TMEM255A: variants seen among roughly 807,000 people sequenced by gnomAD.
TMEM255A encodes family with sequence similarity 70, member A.
TMEM255A carries 14 observed loss-of-function variants against 23.5 expected under a neutral mutation model. That is an observed-to-expected ratio of 0.60 (90% CI 0.39 to 0.93). The LOEUF (loss-of-function observed/expected upper bound fraction) is 0.93. Ranked by LOEUF, TMEM255A falls within the 40% of genes least tolerant of loss-of-function variation. The pLI is 0.00. For missense variants in TMEM255A, 233 were observed against 261.7 expected (o/e 0.89, Z 0.76); for synonymous variants, 104 against 100.3 (o/e 1.04, Z -0.22).
chrX:120,265,616 C>T (rs782627177), intron 8 of TMEM255A, among the ~76,000 whole-genome samples: 1 of 112,073 alleles, frequency 8.9e-6, no homozygotes, highest in African/African-American at 3.2e-5. Context: ...AATCCCCCAA[C>T]CCAATCTCTG....
chrX:120,277,194 C>T, intron 6 of TMEM255A, 147 bp from the exon 7 acceptor site: 1 of 440,117 alleles, frequency 2.3e-6, no homozygotes, highest in Admixed American at 4.1e-5. Flanking sequence ...GACATCATAG[C>T]CATGTACTAT....
At chrX:120,308,786 G>C (rs1471020994) in intron 1 of TMEM255A, among the ~76,000 whole-genome samples, 2 of 112,165 alleles carry the variant, frequency 1.8e-5, no homozygotes, top group Non-Finnish European at 3.8e-5. Context: ...GGGATGGGGG[G>C]ACACTGGAGT....
chrX:120,269,584 T>C (rs1217322285), intron 7 of TMEM255A, among the ~76,000 whole-genome samples: 2 of 111,847 alleles, frequency 1.8e-5, no homozygotes, highest in Non-Finnish European at 3.8e-5. Flanking sequence ...CACAGTTCTG[T>C]TGCTCTCTTC....
At chrX:120,311,177 G>A (rs967043580) in intron 1 of TMEM255A, 75 bp downstream of exon 1, 1 of 933,969 alleles carries the variant, frequency 1.1e-6, no homozygotes, top group Non-Finnish European at 1.5e-6. Flanking sequence ...TGGGGCAGCT[G>A]GGGCGTTCAC....
At chrX:120,276,634 C>T (rs1440582537) in intron 7 of TMEM255A, among the ~76,000 whole-genome samples, 1 of 111,487 alleles carries the variant, frequency 9.0e-6, no homozygotes, top group African/African-American at 3.3e-5. Context: ...ACACCCCTTC[C>T]TCCTTTCACC....
intron 7 of TMEM255A, among the ~76,000 whole-genome samples, chrX:120,268,921 C>A (rs146092608): frequency 0.018 from 2,035 of 111,323 alleles, 41 homozygotes; most frequent in African/African-American, 0.063. Context: ...AAGGCCGAAC[C>A]AGCTAGTGTT....
downstream of TMEM255A, chrX:120,254,080 G>A: frequency 8.3e-7 from 1 of 1,211,073 alleles, no homozygotes; most frequent in Non-Finnish European, 1.1e-6. Flanking sequence ...TCTAACCCAG[G>A]CCCTGTTGCT....
At chrX:120,301,589 C>T (rs1168652348) in intron 2 of TMEM255A, among the ~76,000 whole-genome samples, 1 of 110,010 alleles carries the variant, frequency 9.1e-6, no homozygotes, top group Non-Finnish European at 1.9e-5. Flanking sequence ...CCACCCCCCA[C>T]GGATTCTTTC....
At chrX:120,294,400 C>G (rs1384940235) in intron 2 of TMEM255A, among the ~76,000 whole-genome samples, 1 of 102,894 alleles carries the variant, frequency 9.7e-6, no homozygotes, top group Non-Finnish European at 2.0e-5. Context: ...TGCCACTGCA[C>G]TCCAGCCTGG....
chrX:120,293,102 A>G lies in TMEM255A; in HGVS notation c.264+887T>C, dbSNP rs782329432. On this transcript the variant is annotated intron_variant, in intron 3 of 8. Coordinates refer to ENST00000371369, the MANE Select transcript of TMEM255A (RefSeq NM_001104544.3). ...TATCGCTGGGGGAAAACATATGGTT[A>G]GAGTTCTCTGTCCTTGGAGCTATTA... is the stretch of plus-strand genomic sequence containing the variant. Among the ~76,000 whole-genome samples the G allele has an allele frequency of 2.7e-5, 3 of 112,490 alleles. No individual in the cohort carries two copies. In the South Asian group the frequency reaches 1.1e-3, roughly 42 times the overall value.
chrX:120,254,273 A>T, downstream of TMEM255A: 1 of 1,211,890 alleles, frequency 8.3e-7, no homozygotes, highest in Non-Finnish European at 1.1e-6. Context: ...TAAATCAGAC[A>T]CCACTTTCTA....
At chrX:120,304,006 C>G (rs183397677) in intron 2 of TMEM255A, among the ~76,000 whole-genome samples, 4,178 of 110,853 alleles carry the variant, frequency 0.038, 125 homozygotes, top group East Asian at 0.13. Flanking sequence ...CAGATGACCT[C>G]TATTATATAT....
intron 8 of TMEM255A, among the ~76,000 whole-genome samples, chrX:120,264,326 T>C (rs1051955075): frequency 1.4e-4 from 16 of 111,382 alleles, no homozygotes; most frequent in Admixed American, 1.2e-3. Flanking sequence ...GCAAAGGTAG[T>C]CTCAGCTTAT....
chrX:120,311,076 C>T (rs1368461998), intron 1 of TMEM255A, among the ~76,000 whole-genome samples, 176 bp downstream of exon 1: 2 of 111,127 alleles, frequency 1.8e-5, no homozygotes, highest in Non-Finnish European at 3.8e-5. Context: ...CCGCTGCAGC[C>T]AGGCCGCTCC....
chrX:120,298,398 A>C (rs2058011722), intron 2 of TMEM255A, among the ~76,000 whole-genome samples: 1 of 111,689 alleles, frequency 9.0e-6, no homozygotes, highest in South Asian at 3.8e-4. Flanking sequence ...TAATCCTGAA[A>C]TCCACAAAGT....
chrX:120,253,137 A>G, the TMEM255A span, among the ~76,000 whole-genome samples: 82 of 111,600 alleles, frequency 7.3e-4, no homozygotes, highest in Non-Finnish European at 1.4e-3. Flanking sequence ...GTGGAGGTGC[A>G]TGTATCTAAT....
intron 6 of TMEM255A, among the ~76,000 whole-genome samples, chrX:120,281,134 G>A (rs1472620452): frequency 8.9e-6 from 1 of 112,155 alleles, no homozygotes; most frequent in African/African-American, 3.2e-5. Context: ...TGTCAAAATC[G>A]CAACCTCTTG....
At chrX:120,289,795 C>T (rs140115717) in intron 4 of TMEM255A, among the ~76,000 whole-genome samples, 2,675 of 111,795 alleles carry the variant, frequency 0.024, 79 homozygotes, top group African/African-American at 0.081. Context: ...AACTAGTGAA[C>T]GGACAAAGAA....
rs2057867854 is a variant in TMEM255A, at chrX:120,285,502, G to C, written c.424-287C>G. On this transcript the variant is annotated intron_variant, in intron 5 of 8. Coordinates refer to ENST00000371369, the MANE Select transcript of TMEM255A (RefSeq NM_001104544.3). ...AGGACAGATGGAAGGACAGACGGAA[G>C]AACAAATGGACTGAAGGAAATGAGA... The C allele has an allele frequency of 4.2e-6, 4 of 946,198 alleles. No individual in the cohort carries two copies. The Admixed American group carries it at 9.6e-5, about 23-fold the overall frequency. The allele number at this position is 946,198 out of a possible 1,213,427, so 78.0% of individuals were successfully genotyped here. A position where few individuals can be genotyped will look rare whatever the true frequency, so the allele number is the denominator to read the frequency against.
Sources: gnomAD v4.1 joint callset for allele counts (sites outside exome capture counted in the v4.1 genomes callset) on GRCh38, gnomAD v4.1.1 for gene constraint, MANE v1.5 for transcripts, NCBI Gene and HGNC (gene_info 2026-07-23, HGNC 2026-07-21) for gene names.